The following PADI3 variants were observed in gnomAD, a reference collection of about 807,000 sequenced individuals.
PADI3 encodes the protein peptidyl arginine deiminase 3.
Under a neutral mutation model 71.5 loss-of-function variants are expected in PADI3, and 53 were observed. The ratio of observed to expected loss-of-function variants is 0.74; its 90% CI spans 0.59 to 0.93. PADI3 has a LOEUF of 0.93. PADI3 is among the 40% of genes least tolerant of loss of function. The pLI is 0.00. For missense variants in PADI3, 821 were observed against 868.0 expected (o/e 0.95, Z 0.68); for synonymous variants, 361 against 347.5 (o/e 1.04, Z -0.43).
rs769701389 is a variant in PADI3, at chr1:17,282,833, C to G, written c.1762-13C>G. On this transcript the variant is annotated splice_polypyrimidine_tract_variant and intron_variant, in intron 15 of 15. Coordinates refer to ENST00000375460, the MANE Select transcript of PADI3 (RefSeq NM_016233.2). The stretch of plus-strand genomic sequence containing the variant: ...GCCCAGTGATGAAGTGCTGCTTCCC[C>G]TTTGGACTGCAGGTGAACATGCTGG... 3 of 1,596,526 alleles carry G rather than the reference C, an allele frequency of 1.9e-6. No individual in the cohort carries two copies. Among genetic ancestry groups the G allele is most frequent in the African/African-American group, 1.3e-5 (1 of 74,534 alleles).
rs755193522 is a variant in PADI3 at position 17,274,672 on chromosome 1, A to T, written c.1193A>T (p.Asp398Val). ...DFGYVTREPR[D>V]RSVSGLDSFG... ...GGTTACGTGACTCGGGAACCACGCG[A>T]CAGGTCTGTGAGTGGCCTGGACTCC... Residue 398 changes from aspartate to valine, a missense_variant, in exon 11 of 16, where the codon GAC becomes GTC. Coordinates refer to ENST00000375460, the MANE Select transcript of PADI3 (RefSeq NM_016233.2). 11 of 1,613,526 alleles carry T rather than the reference A, an allele frequency of 6.8e-6. No homozygotes were observed. Among genetic ancestry groups the T allele is most frequent in the Non-Finnish European group, 2.5e-6 (3 of 1,179,708 alleles).
intron 11 of PADI3, among the ~76,000 whole-genome samples, chr1:17,275,856 CTTAGA>C (rs775504570): frequency 1.3e-5 from 2 of 152,194 alleles, no homozygotes; most frequent in Non-Finnish European, 2.9e-5. Context: ...GGACCATGCC[CTTAGA>C]TACATTTTCG....
chr1:17,274,996 A>G (rs538450478), intron 11 of PADI3, among the ~76,000 whole-genome samples: 5 of 152,228 alleles, frequency 3.3e-5, no homozygotes, highest in South Asian at 4.2e-4. Flanking sequence ...GAGAGCAGAG[A>G]CCTAAGAGAT....
At chr1:17,282,173 G>A (rs964088249) in intron 15 of PADI3, among the ~76,000 whole-genome samples, 2 of 152,208 alleles carry the variant, frequency 1.3e-5, no homozygotes, top group Admixed American at 1.3e-4. Flanking sequence ...AATGATTCAG[G>A]TTCTTGTGTT....
Position 17,265,700 on chromosome 1 carries a change from GAC to G in PADI3, c.390_391del (p.Asp130GlufsTer25). On this transcript the variant is annotated frameshift_variant, in exon 4 of 16. Coordinates refer to ENST00000375460, the MANE Select transcript of PADI3 (RefSeq NM_016233.2). LOFTEE classifies it high-confidence loss of function. The stretch of plus-strand genomic sequence containing the variant: ...CGACCTGAACTGTGAGGGAAGGCAG[GAC>G]AGGAACTTTGTAGACAAGGTAAGCA... Reference protein sequence around the residue: ...DCDLNCEGRQDRNFVDKRQWV... With the variant: ...DCDLNCEGRQXRNFVDKRQWV... 1 of 1,614,212 alleles carries G rather than the reference GAC, an allele frequency of 6.2e-7. No homozygotes were observed. Among genetic ancestry groups the G allele is most frequent in the Admixed American group, 1.7e-5 (1 of 60,020 alleles).
chr1:17,265,900 C>T (rs531507124), intron 4 of PADI3, among the ~76,000 whole-genome samples, 180 bp downstream of exon 4: 48 of 152,302 alleles, frequency 3.2e-4, no homozygotes, highest in Non-Finnish European at 5.6e-4. Context: ...GAAAAATCAT[C>T]GCCAGGAATT....
Position 17,273,212 on chromosome 1 carries a change from C to T in PADI3, c.1048-128C>T, listed in dbSNP as rs990053259. 4.4e-6 allele frequency: 3 copies of T among 674,286 alleles called. No individual in the cohort carries two copies. The Admixed American group carries it at 8.8e-5, about 20-fold the overall frequency. 41.8% of individuals were successfully genotyped at this position (674,286 alleles called of 1,614,324 possible). On this transcript the variant is annotated intron_variant, in intron 9 of 15. Transcript: ENST00000375460. ...ACCCTGACCTCGGTCCTGTCCGCCTCCAAGCACAAAACATGCTTGGGCCAG... is the reference window on the plus strand; with the variant it reads ...ACCCTGACCTCGGTCCTGTCCGCCTTCAAGCACAAAACATGCTTGGGCCAG...
At chr1:17,270,784 G>C (rs2073236846) in intron 7 of PADI3, 95 bp from the exon 8 acceptor site, 4 of 885,582 alleles carry the variant, frequency 4.5e-6, no homozygotes, top group Non-Finnish European at 7.4e-6. Flanking sequence ...GAGAAGCAAG[G>C]GGTTTTCTTA....
chr1:17,258,972 C>T (rs892059769), intron 1 of PADI3, among the ~76,000 whole-genome samples: 2 of 152,262 alleles, frequency 1.3e-5, no homozygotes, highest in Non-Finnish European at 2.9e-5. Context: ...TGGCTGGCTT[C>T]TGACTTCCGA....
intron 15 of PADI3, among the ~76,000 whole-genome samples, chr1:17,281,783 C>T (rs1234549527): frequency 6.6e-6 from 1 of 152,206 alleles, no homozygotes; most frequent in East Asian, 1.9e-4. Flanking sequence ...GCCTTTGAAA[C>T]ACCTGGACAG....
chr1:17,274,881 A>G, intron 11 of PADI3, 95 bp downstream of exon 11: 2 of 1,254,474 alleles, frequency 1.6e-6, no homozygotes, highest in Non-Finnish European at 2.2e-6. Context: ...CTCCTTGAAG[A>G]GAGCCAGAAG....
chr1:17,251,349 A>G lies in PADI3; in HGVS notation c.92+2120A>G, dbSNP rs901844688. 3.3e-5 allele frequency among the ~76,000 whole-genome samples: 5 copies of G among 152,286 alleles called. No homozygotes were observed. In the East Asian group the frequency reaches 7.7e-4, roughly 24 times the overall value. On this transcript the variant is annotated intron_variant, in intron 1 of 15. Transcript: ENST00000375460. ...TGGGTCCTCAGCCTGCGGGCCAACAAGAGAAAGGGCAGTAGGTGTTGTGGC... is the reference window on the plus strand; with the variant it reads ...TGGGTCCTCAGCCTGCGGGCCAACAGGAGAAAGGGCAGTAGGTGTTGTGGC...
At chr1:17,253,500 C>T (rs751234154) in intron 1 of PADI3, among the ~76,000 whole-genome samples, 52 of 152,206 alleles carry the variant, frequency 3.4e-4, no homozygotes, top group Non-Finnish European at 1.0e-4. Flanking sequence ...GCAGGTGTCT[C>T]CTAAGAGACC....
chr1:17,271,211 G>A (rs2073246130), intron 9 of PADI3, 33 bp downstream of exon 9: 1 of 1,581,354 alleles, frequency 6.3e-7, no homozygotes, highest in Non-Finnish European at 8.7e-7. Context: ...GCCCAGCAAG[G>A]ACGCCATCCT....
Position 17,249,104 on chromosome 1 carries a change from G to A in PADI3, c.-34G>A, listed in dbSNP as rs1234811237. 6.3e-7 allele frequency: 1 copy of A among 1,582,876 alleles called. No individual in the cohort carries two copies. Among genetic ancestry groups the A allele is most frequent in the Admixed American group, 1.7e-5 (1 of 60,006 alleles). On this transcript the variant is annotated 5_prime_UTR_variant, in exon 1 of 16. Coordinates refer to ENST00000375460, the MANE Select transcript of PADI3 (RefSeq NM_016233.2). Reference sequence around the variant, plus strand: ...CCTAAGGGGCCTCAGGGGCAGTGTTGGGGTTGGCGGCCACAGCTAAGTCCA... The same window carrying A: ...CCTAAGGGGCCTCAGGGGCAGTGTTAGGGTTGGCGGCCACAGCTAAGTCCA...
chr1:17,260,950 A>G (rs951421511), intron 2 of PADI3, among the ~76,000 whole-genome samples: 1 of 150,838 alleles, frequency 6.6e-6, no homozygotes, highest in Non-Finnish European at 1.5e-5. Flanking sequence ...AGTCTCTCCC[A>G]CTCTTTCCCT....
At position 17,283,050 on chromosome 1, in the gene PADI3, TCTTTC is replaced by T; in HGVS notation, c.1967_1971del (p.Ser656Ter). On this transcript the variant is annotated frameshift_variant, in exon 16 of 16. Transcript: ENST00000375460. LOFTEE classifies it high-confidence loss of function. Reference sequence around the variant, plus strand: ...CACCAATGTGTGCAGAAAGCCCTTCTCTTTCAAGTGGTGGAACATGGTGCCCTGAG... The same window carrying T: ...CACCAATGTGTGCAGAAAGCCCTTCTAAGTGGTGGAACATGGTGCCCTGAG... The T allele has an allele frequency of 6.2e-7, 1 of 1,614,170 alleles. No homozygotes were observed. Among genetic ancestry groups the T allele is most frequent in the African/African-American group, 1.3e-5 (1 of 75,060 alleles).
chr1:17,277,027 T>C (rs926875205), intron 13 of PADI3, 151 bp downstream of exon 13: 12 of 658,686 alleles, frequency 1.8e-5, no homozygotes, highest in Non-Finnish European at 2.6e-5. Context: ...CACACCTTGC[T>C]TCACCAGACA....
chr1:17,271,274 G>T, intron 9 of PADI3, 96 bp downstream of exon 9: 1 of 1,059,160 alleles, frequency 9.4e-7, no homozygotes, highest in Admixed American at 2.4e-5. Context: ...GGAGGACCTG[G>T]GTGCTCCCCA....
Sources: gnomAD v4.1 joint callset for allele counts (sites outside exome capture counted in the v4.1 genomes callset) on GRCh38, gnomAD v4.1.1 for gene constraint, MANE v1.5 for transcripts, NCBI Gene and HGNC (gene_info 2026-07-23, HGNC 2026-07-21) for gene names.